Variants in ADAMTS17 observed in about 807,000 individuals in gnomAD.
The protein encoded by ADAMTS17 is ADAM metallopeptidase with thrombospondin type 1 motif 17.
A neutral mutation model predicts 141.5 loss-of-function variants in ADAMTS17; 113 were observed. The observed-to-expected ratio is 0.80, with a 90% CI of 0.69 to 0.93. The LOEUF (loss-of-function observed/expected upper bound fraction) is 0.93. Among genes scored for constraint, ADAMTS17 ranks in the 40% least tolerant of loss-of-function variants. The pLI, the probability that ADAMTS17 is intolerant of heterozygous loss-of-function variation, is 0.00. For missense variants in ADAMTS17, 1,659 were observed against 1,517.9 expected (o/e 1.09, Z -1.54); for synonymous variants, 768 against 630.6 (o/e 1.22, Z -3.27).
chr15:100,266,676 C>G (rs1382903264), intron 4 of ADAMTS17, among the ~76,000 whole-genome samples: 2 of 152,178 alleles, frequency 1.3e-5, no homozygotes, highest in African/African-American at 4.8e-5. Flanking sequence ...CAATGCCAGC[C>G]TGACCACCAC....
In ADAMTS17 at chr15:100,245,262, G is replaced by T. The variant is rs1227015969; in HGVS notation, c.1075+8874C>A. On this transcript the variant is annotated intron_variant, in intron 7 of 21. Transcript: ENST00000268070. Reference sequence around the variant, plus strand: ...GTTTCAGAATCCCCTCGCAGGCAGGGGCCTGGGAAAATACTCACCAGCCAC... The same window carrying T: ...GTTTCAGAATCCCCTCGCAGGCAGGTGCCTGGGAAAATACTCACCAGCCAC... Among the ~76,000 whole-genome samples, 5 of 152,186 alleles carry T rather than the reference G, an allele frequency of 3.3e-5. No homozygotes were observed. In the East Asian group the frequency reaches 9.6e-4, roughly 29 times the overall value.
At chr15:100,092,080 A>C (rs2035504415) in intron 15 of ADAMTS17, among the ~76,000 whole-genome samples, 2 of 152,176 alleles carry the variant, frequency 1.3e-5, no homozygotes. Flanking sequence ...TTTTCTATGG[A>C]AGAAGGTGCC....
intron 18 of ADAMTS17, among the ~76,000 whole-genome samples, chr15:100,036,191 C>T (rs1215363147): frequency 6.6e-6 from 1 of 152,198 alleles, no homozygotes; most frequent in African/African-American, 2.4e-5. Flanking sequence ...AAAGCCCCTC[C>T]AGGGGAAAGG....
At chr15:100,260,188 G>A (rs2043467402) in intron 6 of ADAMTS17, among the ~76,000 whole-genome samples, 1 of 152,196 alleles carries the variant, frequency 6.6e-6, no homozygotes, top group African/African-American at 2.4e-5. Context: ...ACTGTCCGGT[G>A]TCTGGGGCTG....
At chr15:100,262,175 C>T (rs956174345) in intron 5 of ADAMTS17, among the ~76,000 whole-genome samples, 177 bp downstream of exon 5, 9 of 152,206 alleles carry the variant, frequency 5.9e-5, no homozygotes, top group Admixed American at 1.3e-4. Context: ...TCTCAACAGC[C>T]CCCCCTCACA....
intron 10 of ADAMTS17, among the ~76,000 whole-genome samples, chr15:100,144,870 T>G (rs1480893110): frequency 6.6e-6 from 1 of 151,682 alleles, no homozygotes. Context: ...GCTATTTTCC[T>G]TCAGAAGAGG....
chr15:100,034,402 G>A (rs1448178069), intron 18 of ADAMTS17, among the ~76,000 whole-genome samples: 2 of 152,230 alleles, frequency 1.3e-5, no homozygotes, highest in African/African-American at 4.8e-5. Flanking sequence ...CGTGGTCACT[G>A]TGTACACAGT....
Position 100,095,591 on chromosome 15 carries a change from G to C in ADAMTS17, c.2137+765C>G, listed in dbSNP as rs184668806. ...CCCAACACAAGTTCTCCTGGTGATG[G>C]GGGGTGAGTGCACACTCGCTAAGGC... is the stretch of plus-strand genomic sequence containing the variant. On this transcript the variant is annotated intron_variant, in intron 15 of 21. Transcript: ENST00000268070. 9.9e-3 allele frequency among the ~76,000 whole-genome samples: 1,511 copies of C among 152,302 alleles called. 10 individuals are homozygous for C. Among genetic ancestry groups the C allele is most frequent in the Non-Finnish European group, 0.016 (1,094 of 68,032 alleles).
At chr15:100,082,766 C>CTTTTTTTTTTTTTTTTTTTTTTT (rs71151935) in intron 15 of ADAMTS17, among the ~76,000 whole-genome samples, 1 of 123,278 alleles carries the variant, frequency 8.1e-6, no homozygotes, top group Non-Finnish European at 1.7e-5. Flanking sequence ...TCTCGTTAGT[C>CTTTTTTTTTTTTTTTTTTTTTTT]TTTTTTTTTT....
chr15:100,068,971 T>C (rs150930603), intron 15 of ADAMTS17, among the ~76,000 whole-genome samples: 1,946 of 152,242 alleles, frequency 0.013, 41 homozygotes, highest in African/African-American at 0.043. Context: ...TTGAAACCTA[T>C]GGCATAGAAG....
At chr15:100,108,283 T>C (rs1006768179) in intron 14 of ADAMTS17, among the ~76,000 whole-genome samples, 2 of 152,070 alleles carry the variant, frequency 1.3e-5, no homozygotes, top group African/African-American at 4.8e-5. Context: ...GCAATTCTCC[T>C]GCCTCAGCCT....
intron 8 of ADAMTS17, among the ~76,000 whole-genome samples, chr15:100,181,884 G>C (rs2040538375): frequency 1.3e-5 from 2 of 152,210 alleles, no homozygotes; most frequent in South Asian, 4.1e-4. Flanking sequence ...CACAGCACTA[G>C]GACTTAACTA....
rs76935512 is a variant in ADAMTS17, at chr15:100,166,335, T to A, written c.1182-11015A>T. 8.4e-3 allele frequency among the ~76,000 whole-genome samples: 1,277 copies of A among 152,348 alleles called. 9 individuals are homozygous for A. The highest frequency in any genetic ancestry group is 0.017 in the South Asian group (81 of 4,832). ...GGCTTTTCAGATGATTCTTTTACAA[T>A]ATACAGGCAATTCTCATTTTGCTTC... On this transcript the variant is annotated intron_variant, in intron 8 of 21. Coordinates refer to ENST00000268070, the MANE Select transcript of ADAMTS17 (RefSeq NM_139057.4).
intron 18 of ADAMTS17, among the ~76,000 whole-genome samples, chr15:100,028,941 TAAAAC>T (rs1376992311): frequency 2.6e-5 from 4 of 152,238 alleles, no homozygotes; most frequent in African/African-American, 7.2e-5. Context: ...AGGGCTAACT[TAAAAC>T]AACCACAAAA....
At chr15:100,086,927 A>C (rs2035142171) in intron 15 of ADAMTS17, among the ~76,000 whole-genome samples, 1 of 152,198 alleles carries the variant, frequency 6.6e-6, no homozygotes, top group African/African-American at 2.4e-5. Context: ...TCACAATTGA[A>C]AGAACCAGAG....
At chr15:100,206,468 G>A (rs187258415) in intron 7 of ADAMTS17, among the ~76,000 whole-genome samples, 64 of 152,226 alleles carry the variant, frequency 4.2e-4, no homozygotes, top group Admixed American at 6.5e-4. Context: ...ATTCTCTATC[G>A]ACTGCACTGC....
At chr15:100,018,922 C>T (rs908494912) in intron 18 of ADAMTS17, among the ~76,000 whole-genome samples, 4 of 152,288 alleles carry the variant, frequency 2.6e-5, no homozygotes, top group Middle Eastern at 3.4e-3. Context: ...ACAGGTAACC[C>T]CTTTGGAGTA....
At chr15:100,157,450 T>C (rs925451073) in intron 8 of ADAMTS17, among the ~76,000 whole-genome samples, 3 of 152,230 alleles carry the variant, frequency 2.0e-5, no homozygotes, top group African/African-American at 4.8e-5. Context: ...ATTGCTCAAG[T>C]GACCAACTAG....
At chr15:100,021,366 A>C (rs181542315) in intron 18 of ADAMTS17, among the ~76,000 whole-genome samples, 35 of 152,222 alleles carry the variant, frequency 2.3e-4, no homozygotes, top group African/African-American at 8.2e-4. Context: ...GCAACCACTA[A>C]GTCCCACCAA....
Sources: allele counts gnomAD v4.1 joint callset (sites outside exome capture counted in the v4.1 genomes callset), GRCh38; gene constraint gnomAD v4.1.1; transcripts MANE v1.5; gene names NCBI Gene and HGNC (gene_info 2026-07-23, HGNC 2026-07-21).